RGS12: variants seen among roughly 807,000 people sequenced by gnomAD.
The protein encoded by RGS12 is regulator of G protein signaling 12, also known as regulator of G-protein signaling 12.
Under a neutral mutation model 120.1 loss-of-function variants are expected in RGS12, and 66 were observed. The observed-to-expected ratio is 0.55, with a 90% confidence interval of 0.45 to 0.67. The LOEUF (loss-of-function observed/expected upper bound fraction) is 0.67. RGS12 is among the 30% of genes least tolerant of loss of function. The probability of loss-of-function intolerance (pLI) is 0.00; values close to 1 mark genes in which losing one functional copy is unlikely to be tolerated. For synonymous variants in RGS12, 827 were observed against 804.7 expected (o/e 1.03, Z -0.47); for missense variants, 1,859 against 1,957.7 (o/e 0.95, Z 0.95).
At chr4:3,388,636 G>A (rs754020508) in intron 4 of RGS12, among the ~76,000 whole-genome samples, 4 of 142,620 alleles carry the variant, frequency 2.8e-5, no homozygotes, top group Admixed American at 2.1e-4. Context: ...AGAGTCCCCC[G>A]CTCCAGCCCT....
intron 1 of RGS12, among the ~76,000 whole-genome samples, chr4:3,303,118 G>A (rs1723777353): frequency 6.6e-6 from 1 of 152,220 alleles, no homozygotes; most frequent in Non-Finnish European, 1.5e-5. Context: ...GGATGTTGAG[G>A]TTTGGGGAGG....
chr4:3,319,280 A>C (rs1379239571), intron 2 of RGS12, among the ~76,000 whole-genome samples: 1 of 152,164 alleles, frequency 6.6e-6, no homozygotes, highest in Non-Finnish European at 1.5e-5. Context: ...ACAGAGCGAG[A>C]CTCTGGCTCT....
chr4:3,413,180 C>T (rs1465374472), intron 4 of RGS12: 1 of 151,530 alleles, frequency 6.6e-6, no homozygotes, highest in Non-Finnish European at 1.5e-5. Context: ...CCACACTGCT[C>T]GCGTCAGGAG....
rs147943385 is a variant in RGS12 at position 3,408,358 on chromosome 4, T to C, written c.2021-5714T>C. Among the ~76,000 whole-genome samples the C allele has an allele frequency of 1.4e-4, 22 of 151,974 alleles. No homozygotes were observed. In the East Asian group the frequency reaches 4.3e-3, roughly 29 times the overall value. On this transcript the variant is annotated intron_variant, in intron 4 of 17. Transcript: ENST00000336727. Reference sequence around the variant, plus strand: ...TGTGAAATCCATAATTGAAAGTGAGTGTTAGAGAGGAGACGACTTTCCGTG... The same window carrying C: ...TGTGAAATCCATAATTGAAAGTGAGCGTTAGAGAGGAGACGACTTTCCGTG...
chr4:3,294,954 C>T (rs1410997859), intron 1 of RGS12, among the ~76,000 whole-genome samples: 1 of 152,054 alleles, frequency 6.6e-6, no homozygotes, highest in Non-Finnish European at 1.5e-5. Context: ...GGTGGCGCGG[C>T]CTGAGGGCAT....
intron 6 of RGS12, among the ~76,000 whole-genome samples, chr4:3,415,740 T>A (rs1217395214): frequency 1.3e-5 from 2 of 152,246 alleles, no homozygotes; most frequent in African/African-American, 4.8e-5. Flanking sequence ...CAGCTGCTGC[T>A]GGGCTAGCAT....
chr4:3,287,200 T>C, the RGS12 span, among the ~76,000 whole-genome samples: 1 of 152,202 alleles, frequency 6.6e-6, no homozygotes, highest in African/African-American at 2.4e-5. Flanking sequence ...GTTTGCGTGA[T>C]TGTTCAAGGT....
At chr4:3,415,648 A>C (rs1722304607) in intron 6 of RGS12, among the ~76,000 whole-genome samples, 1 of 152,174 alleles carries the variant, frequency 6.6e-6, no homozygotes, top group African/African-American at 2.4e-5. Flanking sequence ...TCTGCTCGCA[A>C]TGCTCAGAGG....
intron 4 of RGS12, among the ~76,000 whole-genome samples, chr4:3,410,444 T>G (rs1375921972): frequency 2.0e-5 from 3 of 151,734 alleles, no homozygotes; most frequent in Admixed American, 6.6e-5. Flanking sequence ...CGAGGCTGTT[T>G]CTGGTGCAGG....
At chr4:3,419,617 T>C (rs1019031467) in intron 9 of RGS12, 1 of 151,006 alleles carries the variant, frequency 6.6e-6, no homozygotes, top group African/African-American at 2.4e-5. Context: ...AGGAGTTCAA[T>C]ACCAGCCTGG....
chr4:3,340,837 T>C (rs1007471800), intron 2 of RGS12, among the ~76,000 whole-genome samples: 4 of 152,118 alleles, frequency 2.6e-5, no homozygotes, highest in African/African-American at 9.7e-5. Context: ...GCCTGCTCCT[T>C]AGTTTGAAAA....
At chr4:3,414,620 T>C in intron 5 of RGS12, 132 bp from the exon 6 acceptor site, 1 of 695,526 alleles carries the variant, frequency 1.4e-6, no homozygotes. Context: ...TGGGCAGCGA[T>C]GAGGTTTCTC....
At chr4:3,395,032 CA>C (rs979094288) in intron 4 of RGS12, among the ~76,000 whole-genome samples, 2 of 150,532 alleles carry the variant, frequency 1.3e-5, no homozygotes, top group African/African-American at 4.9e-5. Context: ...CAAAACAAAA[CA>C]AAAAAAAACA....
chr4:3,342,941 C>T lies in RGS12; in HGVS notation c.1886C>T (p.Ser629Leu). ...VRKTKEDKKG[S>L]KFGRGTGLTQ... The stretch of plus-strand genomic sequence containing the variant: ...GCCTTTTTTCTTCGTGTTTAGGGCT[C>T]AAAATTTGGGCGGGGAACTGGACTC... Residue 629 changes from serine (S) to leucine (L), a missense_variant, in exon 3 of 18, where the codon TCA (serine) becomes TTA (leucine). Physicochemically the swap from Ser to Leu is moderately radical, Grantham distance 145. This residue lies in a region of RGS12 where 967 missense variants were observed against 994.2 expected (regional missense o/e 0.97). Transcript: ENST00000336727. The T allele has an allele frequency of 1.9e-6, 3 of 1,612,826 alleles. No homozygotes were observed. Among genetic ancestry groups the T allele is most frequent in the East Asian group, 2.2e-5 (1 of 44,880 alleles).
At chr4:3,380,947 C>G (rs952770840) in intron 3 of RGS12, among the ~76,000 whole-genome samples, 4 of 152,196 alleles carry the variant, frequency 2.6e-5, no homozygotes, top group African/African-American at 9.7e-5. Flanking sequence ...GAATTTCTCC[C>G]CAGAAAATTT....
rs376574188 is a variant in RGS12 at position 3,428,644 on chromosome 4, G to A, written c.3498G>A (p.Lys1166=). ...GKNARDPRLS[K]REESIAKIGK... ...ATGCTAGGGATCCCCGGCTTTCAAAGAGAGAAGAATCTATTGCAAAGATTG... is the reference window on the plus strand; with the variant it reads ...ATGCTAGGGATCCCCGGCTTTCAAAAAGAGAAGAATCTATTGCAAAGATTG... The change falls in exon 16 of 18, where the codon AAG becomes AAA. Residue 1166 remains lysine (K), a synonymous_variant. Coordinates refer to ENST00000336727, the MANE Select transcript of RGS12 (RefSeq NM_001394154.1). The A allele has an allele frequency of 2.5e-6, 4 of 1,606,526 alleles. No homozygotes were observed. In the African/African-American group the frequency reaches 5.4e-5, roughly 22 times the overall value.
intron 4 of RGS12, among the ~76,000 whole-genome samples, chr4:3,407,085 C>T (rs1363672669): frequency 1.3e-5 from 2 of 152,110 alleles, no homozygotes; most frequent in Non-Finnish European, 2.9e-5. Context: ...CCTACAAGTA[C>T]TTTTTTTTCC....
At chr4:3,301,307 T>C (rs536893716) in intron 1 of RGS12, among the ~76,000 whole-genome samples, 2 of 152,220 alleles carry the variant, frequency 1.3e-5, no homozygotes, top group South Asian at 2.1e-4. Flanking sequence ...ACTGTGAACA[T>C]TGGCAATGAT....
At chr4:3,345,218 G>C (rs1435986667) in intron 3 of RGS12, among the ~76,000 whole-genome samples, 1 of 152,174 alleles carries the variant, frequency 6.6e-6, no homozygotes, top group African/African-American at 2.4e-5. Context: ...GAATATTTTT[G>C]TATGTGAGGC....
Sources: allele counts gnomAD v4.1 joint callset (sites outside exome capture counted in the v4.1 genomes callset), GRCh38; gene constraint gnomAD v4.1.1; regional missense constraint gnomAD v4.1.1; transcripts MANE v1.5; gene names NCBI Gene and HGNC (gene_info 2026-07-23, HGNC 2026-07-21).